SORCS3: variants seen among roughly 807,000 people sequenced by gnomAD.
The protein encoded by SORCS3 is VPS10 domain-containing receptor SorCS3.
SORCS3 carries 57 observed loss-of-function variants against 146.3 expected under a neutral mutation model. The observed-to-expected ratio is 0.39, with a 90% confidence interval of 0.31 to 0.49. The LOEUF (loss-of-function observed/expected upper bound fraction) is 0.49, where lower values mean the gene tolerates loss of function less well. SORCS3 is among the 20% of genes least tolerant of loss of function. The pLI is 0.92. For missense variants in SORCS3, 1,341 were observed against 1,575.5 expected, an observed-to-expected ratio of 0.85 and a Z score of 2.52; for synonymous variants, 653 against 618.5, an observed-to-expected ratio of 1.06 and a Z score of -0.83.
chr10:104,844,731 C>T (rs2018184452), intron 2 of SORCS3, among the ~76,000 whole-genome samples: 1 of 152,174 alleles, frequency 6.6e-6, no homozygotes, highest in Admixed American at 6.5e-5. Flanking sequence ...GAAATGTCTT[C>T]TCTCACAGTT....
intron 1 of SORCS3, among the ~76,000 whole-genome samples, chr10:104,775,346 A>T (rs981803411): frequency 6.6e-6 from 1 of 152,208 alleles, no homozygotes; most frequent in Non-Finnish European, 1.5e-5. Context: ...AGTGCTCAGT[A>T]AGTGTTATTT....
chr10:105,262,552 C>T, intron 26 of SORCS3, 61 bp downstream of exon 26: 2 of 1,530,414 alleles, frequency 1.3e-6, no homozygotes, highest in Non-Finnish European at 1.8e-6. Flanking sequence ...TGGCCTGCTT[C>T]ATCTGTCCCC....
In SORCS3 at chr10:104,776,889, A is replaced by C. The variant is rs565644002; in HGVS notation, c.628-65903A>C. Among the ~76,000 whole-genome samples the C allele has an allele frequency of 5.3e-5, 8 of 152,048 alleles. No homozygotes were observed. The South Asian group carries it at 8.3e-4, about 16-fold the overall frequency. On this transcript the variant is annotated intron_variant, in intron 1 of 26. Coordinates refer to ENST00000369701, the MANE Select transcript of SORCS3 (RefSeq NM_014978.3). ...TCAGCAGCAGGGAAAAAAAAAAAAA[A>C]ACCTCACAAAGCCCCTCATAGTTTT...
At chr10:105,031,616 C>T (rs1487678809) in intron 4 of SORCS3, among the ~76,000 whole-genome samples, 1 of 152,182 alleles carries the variant, frequency 6.6e-6, no homozygotes, top group African/African-American at 2.4e-5. Flanking sequence ...CCGTGTGAGG[C>T]AGCTCCTTCC....
In SORCS3 at chr10:105,245,091, T is replaced by A. The variant is rs529912237; in HGVS notation, c.2869-451T>A. Among the ~76,000 whole-genome samples the A allele has an allele frequency of 1.4e-4, 19 of 140,538 alleles. No homozygotes were observed. The South Asian group carries it at 4.1e-3, about 30-fold the overall frequency. 92.2% of individuals were successfully genotyped at this position (140,538 alleles called of 152,430 possible). ...CAAAAAAAAAAAAAAAAAAAGACAG[T>A]GTGCTTAGGGTGGGTAATACAGAAG... On this transcript the variant is annotated intron_variant, in intron 20 of 26. Coordinates refer to ENST00000369701, the MANE Select transcript of SORCS3 (RefSeq NM_014978.3).
At chr10:104,733,622 T>C (rs1294664965) in intron 1 of SORCS3, among the ~76,000 whole-genome samples, 1 of 149,484 alleles carries the variant, frequency 6.7e-6, no homozygotes, top group Non-Finnish European at 1.5e-5. Flanking sequence ...GTTTAAGAAA[T>C]ACGGAGATCA....
chr10:105,068,218 T>C (rs2055534333), intron 5 of SORCS3, among the ~76,000 whole-genome samples: 1 of 152,180 alleles, frequency 6.6e-6, no homozygotes, highest in Admixed American at 6.5e-5. Flanking sequence ...TTAAATGAGT[T>C]CTCCTGATTT....
intron 5 of SORCS3, among the ~76,000 whole-genome samples, chr10:105,073,659 C>T (rs535110372): frequency 3.9e-5 from 6 of 152,058 alleles, no homozygotes; most frequent in East Asian, 3.9e-4. Flanking sequence ...GAGGCATGAG[C>T]GTGGGAGGCA....
chr10:105,006,728 T>C (rs543471167), intron 4 of SORCS3, among the ~76,000 whole-genome samples: 3 of 152,354 alleles, frequency 2.0e-5, no homozygotes, highest in Admixed American at 6.5e-5. Context: ...GTTTGGGATA[T>C]GATTATCCAC....
chr10:105,064,460 G>A (rs1258607056), intron 5 of SORCS3, among the ~76,000 whole-genome samples: 1 of 152,196 alleles, frequency 6.6e-6, no homozygotes, highest in Non-Finnish European at 1.5e-5. Context: ...AGGTTGAAAG[G>A]TACCCCAATA....
intron 14 of SORCS3, among the ~76,000 whole-genome samples, chr10:105,186,950 C>T (rs2056481136): frequency 6.6e-6 from 1 of 151,730 alleles, no homozygotes; most frequent in South Asian, 2.1e-4. Context: ...TATCCATCTT[C>T]TCCCTTGTTT....
At chr10:105,121,452 G>A (rs1338129161) in intron 7 of SORCS3, among the ~76,000 whole-genome samples, 1 of 152,146 alleles carries the variant, frequency 6.6e-6, no homozygotes, top group African/African-American at 2.4e-5. Flanking sequence ...TGACCTCAGG[G>A]CTGTCTGGGT....
chr10:104,714,172 T>A (rs2016450928), intron 1 of SORCS3, among the ~76,000 whole-genome samples: 2 of 152,146 alleles, frequency 1.3e-5, no homozygotes, highest in Non-Finnish European at 2.9e-5. Context: ...GAGATATTTG[T>A]CATTTTTATT....
chr10:104,667,356 A>G (rs1315563337), intron 1 of SORCS3, among the ~76,000 whole-genome samples: 1 of 151,988 alleles, frequency 6.6e-6, no homozygotes, highest in African/African-American at 2.4e-5. Context: ...TTCTCCTGAG[A>G]TCTTCCTGCC....
At chr10:104,807,743 C>T (rs1278356282) in intron 1 of SORCS3, among the ~76,000 whole-genome samples, 2 of 152,134 alleles carry the variant, frequency 1.3e-5, no homozygotes, top group Non-Finnish European at 2.9e-5. Context: ...CTGTGGCTTC[C>T]AACACTTGCT....
chr10:105,110,686 G>A (rs1472181466), intron 7 of SORCS3, among the ~76,000 whole-genome samples: 1 of 152,068 alleles, frequency 6.6e-6, no homozygotes, highest in Non-Finnish European at 1.5e-5. Flanking sequence ...CCTTTCCCAC[G>A]TATATTGTGT....
intron 1 of SORCS3, among the ~76,000 whole-genome samples, chr10:104,770,337 G>T (rs549038485): frequency 6.6e-6 from 1 of 152,274 alleles, no homozygotes; most frequent in Admixed American, 6.5e-5. Context: ...AGAATTGAGT[G>T]TGGGACTTTT....
At chr10:104,920,979 T>C (rs556110659) in intron 3 of SORCS3, among the ~76,000 whole-genome samples, 4 of 152,232 alleles carry the variant, frequency 2.6e-5, no homozygotes, top group Non-Finnish European at 5.9e-5. Context: ...AACTTCCTTA[T>C]GGGAGCCCAG....
At chr10:104,721,532 A>T (rs1214456895) in intron 1 of SORCS3, among the ~76,000 whole-genome samples, 1 of 151,512 alleles carries the variant, frequency 6.6e-6, no homozygotes, top group Non-Finnish European at 1.5e-5. Flanking sequence ...TGGTAGCTTG[A>T]TGGGGATGGC....
Sources: gnomAD v4.1 joint callset for allele counts (sites outside exome capture counted in the v4.1 genomes callset) on GRCh38, gnomAD v4.1.1 for gene constraint, MANE v1.5 for transcripts, NCBI Gene and HGNC (gene_info 2026-07-23, HGNC 2026-07-21) for gene names.